Variants in KCNK12 observed in about 807,000 individuals in gnomAD.
The protein encoded by KCNK12 is potassium two pore domain channel subfamily K member 12, also known as potassium channel subfamily K member 12.
Under a neutral mutation model 25.3 loss-of-function variants are expected in KCNK12, and 6 were observed. The ratio of observed to expected loss-of-function variants is 0.24; its 90% CI spans 0.13 to 0.47. KCNK12 has a LOEUF of 0.47. Ranked by LOEUF, KCNK12 falls within the 20% of genes least tolerant of loss-of-function variation. KCNK12 has a pLI of 0.99. For missense variants in KCNK12, 444 were observed against 661.7 expected, an observed-to-expected ratio of 0.67 and a Z score of 3.61; for synonymous variants, 331 against 311.1, an observed-to-expected ratio of 1.06 and a Z score of -0.67.
At position 47,514,714 on chromosome 2, in the gene KCNK12, G is replaced by A. The variant is rs951070388; in HGVS notation, c.*6193C>T. Among the ~76,000 whole-genome samples the A allele has an allele frequency of 1.3e-5, 2 of 151,440 alleles. No individual in the cohort carries two copies. Among genetic ancestry groups the A allele is most frequent in the Non-Finnish European group, 2.9e-5 (2 of 67,940 alleles). Reference sequence around the variant, plus strand: ...AAACATCGACTTCCTGGGCTCAGGCGATCCTCCCACCTCAGCCCCCTGAGT... The same window carrying A: ...AAACATCGACTTCCTGGGCTCAGGCAATCCTCCCACCTCAGCCCCCTGAGT... On this transcript the variant is annotated 3_prime_UTR_variant, in exon 2 of 2. Transcript: ENST00000327876. This position sits in a 1 kb window ranked among gnomAD's most constrained non-coding sequence, Gnocchi z 5.0.
chr2:47,541,418 T>C (rs1383279446), intron 1 of KCNK12, among the ~76,000 whole-genome samples: 2 of 152,136 alleles, frequency 1.3e-5, no homozygotes, highest in Non-Finnish European at 2.9e-5. Flanking sequence ...ATATGAAATA[T>C]CTTTCTCTAA....
chr2:47,570,273 G>A lies in KCNK12; in HGVS notation c.59C>T (p.Pro20Leu). The A allele has an allele frequency of 1.4e-6, 2 of 1,407,696 alleles. No homozygotes were observed. Among genetic ancestry groups the A allele is most frequent in the Non-Finnish European group, 1.8e-6 (2 of 1,082,218 alleles). 87.2% of individuals were successfully genotyped at this position (1,407,696 alleles called of 1,614,324 possible). Residue 20 changes from proline to leucine, a missense_variant, in exon 1 of 2, where the codon CCC becomes CTC. By Grantham distance (98) the Pro-to-Leu change is moderately conservative. Transcript: ENST00000327876. ...PRRSRRRLPR[P>L]SCCCCCCRRS... ...GCGGCAGCAGCAGCAGCAGCAGGAGGGGCGCGGCAGGCGGCGGCGGCTACG... is the reference window on the plus strand; with the variant it reads ...GCGGCAGCAGCAGCAGCAGCAGGAGAGGCGCGGCAGGCGGCGGCGGCTACG...
intron 1 of KCNK12, chr2:47,563,465 TGA>T: frequency 4.3e-6 from 1 of 233,316 alleles, no homozygotes; most frequent in East Asian, 6.0e-5. Context: ...CTAGGGAGGA[TGA>T]GAGCGCAAGC....
chr2:47,515,344 C>G lies in KCNK12; in HGVS notation c.*5563G>C, dbSNP rs565514429. Among the ~76,000 whole-genome samples, 8 of 152,306 alleles carry G rather than the reference C, an allele frequency of 5.3e-5. No individual in the cohort carries two copies. Among genetic ancestry groups the G allele is most frequent in the African/African-American group, 9.6e-5 (4 of 41,568 alleles). On this transcript the variant is annotated 3_prime_UTR_variant, in exon 2 of 2. Transcript: ENST00000327876. ...TTGACCAGCATTAACCTATTTATGC[C>G]TAGCGTTCCCTTATTGGAACACTAA...
Position 47,570,301 on chromosome 2 carries a change from G to A in KCNK12, c.31C>T (p.Arg11Cys). The change falls in exon 1 of 2, where the codon CGC becomes TGC. Residue 11 changes from arginine to cysteine, a missense_variant. Arg to Cys is a radical substitution (Grantham distance 180). Transcript: ENST00000327876. ...CGCGGCAGGCGGCGGCGGCTACGGCGGGGCGGGGGCCGGGGGCTGCGGGAG... is the reference window on the plus strand; with the variant it reads ...CGCGGCAGGCGGCGGCGGCTACGGCAGGGCGGGGGCCGGGGGCTGCGGGAG... Reference protein sequence around the residue: MSSRSPRPPPRRSRRRLPRPS... With the variant: MSSRSPRPPPCRSRRRLPRPS... 7.4e-7 allele frequency: 1 copy of A among 1,358,468 alleles called. No homozygotes were observed. 84.2% of individuals were successfully genotyped at this position (1,358,468 alleles called of 1,614,324 possible).
At position 47,570,149 on chromosome 2, in the gene KCNK12, C is replaced by G; in HGVS notation, c.183G>C (p.Glu61Asp). ...VAGATVFSAL[E>D]SPGEAEARAR... is the part of the protein sequence containing the mutation. Reference sequence around the variant, plus strand: ...CCCGCGCCTCCGCCTCGCCGGGGCTCTCGAGCGCCGAGAAGACTGTGGCAC... The same window carrying G: ...CCCGCGCCTCCGCCTCGCCGGGGCTGTCGAGCGCCGAGAAGACTGTGGCAC... The change falls in exon 1 of 2, where the codon GAG becomes GAC. Residue 61 changes from glutamate (E) to aspartate (D), a missense_variant. Physicochemically the swap from Glu to Asp is conservative, Grantham distance 45. Coordinates refer to ENST00000327876, the MANE Select transcript of KCNK12 (RefSeq NM_022055.2). 6.8e-7 allele frequency: 1 copy of G among 1,466,850 alleles called. No homozygotes were observed. The allele number at this position is 1,466,850 out of a possible 1,614,324, so 90.9% of individuals were successfully genotyped here. A position where few individuals can be genotyped will look rare whatever the true frequency, so the allele number is the denominator to read the frequency against.
chr2:47,530,393 G>A (rs1201806226), intron 1 of KCNK12, among the ~76,000 whole-genome samples: 1 of 152,098 alleles, frequency 6.6e-6, no homozygotes, highest in Non-Finnish European at 1.5e-5. Context: ...GGCTGCACAT[G>A]TCAGCCATCT....
chr2:47,509,966 A>G lies in KCNK12; in HGVS notation c.*10941T>C, dbSNP rs959079070. 2.0e-5 allele frequency: 3 copies of G among 151,952 alleles called. No individual in the cohort carries two copies. Among genetic ancestry groups the G allele is most frequent in the African/African-American group, 7.2e-5 (3 of 41,392 alleles). 9.4% of individuals were successfully genotyped at this position (151,952 alleles called of 1,614,324 possible). Reference sequence around the variant, plus strand: ...GCATTCTCACTTCACACCCATCCCAATCCCCTCCCCCTTGCTGTCCTCTTG... The same window carrying G: ...GCATTCTCACTTCACACCCATCCCAGTCCCCTCCCCCTTGCTGTCCTCTTG... On this transcript the variant is annotated 3_prime_UTR_variant, in exon 2 of 2. Transcript: ENST00000327876.
rs1156565600 is a variant in KCNK12, at chr2:47,570,040, C to G, written c.292G>C (p.Glu98Gln). 1 of 1,420,508 alleles carries G rather than the reference C, an allele frequency of 7.0e-7. No individual in the cohort carries two copies. Among genetic ancestry groups the G allele is most frequent in the Admixed American group, 3.2e-5 (1 of 31,572 alleles). 88.0% of individuals were successfully genotyped at this position (1,420,508 alleles called of 1,614,324 possible). ...PELRAFLRHYEAALAAGVRAD... is the reference protein window; with the variant it reads ...PELRAFLRHYQAALAAGVRAD... ...CGGACGCCGGCGGCCAGCGCGGCCT[C>G]GTAGTGCCGGAGGAAGGCGCGCAGC... The change falls in exon 1 of 2, where the codon GAG becomes CAG. Residue 98 changes from glutamate to glutamine, a missense_variant. Physicochemically the swap from Glu to Gln is conservative, Grantham distance 29 (BLOSUM62 2). Coordinates refer to ENST00000327876, the MANE Select transcript of KCNK12 (RefSeq NM_022055.2).
rs373798792 is a variant in KCNK12, at chr2:47,533,772, A to C, written c.392-11964T>G. Among the ~76,000 whole-genome samples the C allele has an allele frequency of 4.7e-4, 72 of 152,184 alleles. No homozygotes were observed. Among genetic ancestry groups the C allele is most frequent in the African/African-American group, 1.7e-3 (71 of 41,516 alleles). On this transcript the variant is annotated intron_variant, in intron 1 of 1. Coordinates refer to ENST00000327876, the MANE Select transcript of KCNK12 (RefSeq NM_022055.2). This position sits in a 1 kb window ranked among gnomAD's most constrained non-coding sequence, Gnocchi z 4.7. ...AAAAGCTGAGACCGTGGGCTGCTCT[A>C]TTTGTTGGCGCTTGCTGGTTTGTCT...
intron 1 of KCNK12, among the ~76,000 whole-genome samples, chr2:47,530,707 G>A (rs1012801354): frequency 6.6e-6 from 1 of 152,118 alleles, no homozygotes; most frequent in Non-Finnish European, 1.5e-5. Context: ...TACAGTCAAT[G>A]GCCTGATAGT....
chr2:47,536,986 A>G (rs1669085812), intron 1 of KCNK12, among the ~76,000 whole-genome samples: 1 of 152,156 alleles, frequency 6.6e-6, no homozygotes, highest in Non-Finnish European at 1.5e-5. Context: ...GGACATGATT[A>G]TGGGGTGAAT....
In KCNK12 at chr2:47,569,866, G is replaced by A. The variant is rs1385269647; in HGVS notation, c.391+75C>T. On this transcript the variant is annotated intron_variant, in intron 1 of 1. Transcript: ENST00000327876. The surrounding 1 kb of genome is among the most constrained non-coding windows in gnomAD (Gnocchi z 4.1). ...AAGGCAGAGCCGAGGGACGCGGACC[G>A]AGCGGCCGAGCAGTGGAAAGGGCGG... 7 of 1,191,902 alleles carry A rather than the reference G, an allele frequency of 5.9e-6. No homozygotes were observed. In the South Asian group the frequency reaches 1.2e-4, roughly 20 times the overall value. The allele number at this position is 1,191,902 out of a possible 1,614,324, so 73.8% of individuals were successfully genotyped here.
intron 1 of KCNK12, among the ~76,000 whole-genome samples, chr2:47,523,691 T>G (rs1668709118): frequency 6.6e-6 from 1 of 151,956 alleles, no homozygotes; most frequent in Admixed American, 6.6e-5. Context: ...CTGACTCTGG[T>G]TATGGGAGGG....
At position 47,565,259 on chromosome 2, in the gene KCNK12, C is replaced by T. The variant is rs1465586549; in HGVS notation, c.391+4682G>A. On this transcript the variant is annotated intron_variant, in intron 1 of 1. Coordinates refer to ENST00000327876, the MANE Select transcript of KCNK12 (RefSeq NM_022055.2). The surrounding 1 kb of genome is among the most constrained non-coding windows in gnomAD (Gnocchi z 5.0). Reference sequence around the variant, plus strand: ...TTCATTCCAGATATCAAAACTATCTCCAGCTGGATTACATACATGTTAGAA... The same window carrying T: ...TTCATTCCAGATATCAAAACTATCTTCAGCTGGATTACATACATGTTAGAA... The T allele has an allele frequency of 6.6e-6, 1 of 152,156 alleles. No homozygotes were observed. The highest frequency in any genetic ancestry group is 1.9e-4 in the East Asian group (1 of 5,204). 9.4% of individuals were successfully genotyped at this position (152,156 alleles called of 1,614,324 possible). A position where few individuals can be genotyped will look rare whatever the true frequency, so the allele number is the denominator to read the frequency against.
Position 47,520,944 on chromosome 2 carries a change from A to G in KCNK12, c.1256T>C (p.Met419Thr). ...GCTGGTCTCGGCCAGCCGGTTGTTC[A>G]TGATGCCCAGCGCGCCCACGCCGCC... Reference protein sequence around the residue: ...FSGGVGALGIMNNRLAETSAS... With the variant: ...FSGGVGALGITNNRLAETSAS... Residue 419 changes from methionine to threonine, a missense_variant, in exon 2 of 2, where the codon ATG (methionine) becomes ACG (threonine). Met to Thr is a moderately conservative substitution (Grantham distance 81). This residue lies in a region of KCNK12 where 57 missense variants were observed against 68.9 expected (regional missense o/e 0.83). Coordinates refer to ENST00000327876, the MANE Select transcript of KCNK12 (RefSeq NM_022055.2). This position sits in a 1 kb window ranked among gnomAD's most constrained non-coding sequence, Gnocchi z 5.0. The G allele has an allele frequency of 7.8e-7, 1 of 1,287,752 alleles. No homozygotes were observed. The highest frequency in any genetic ancestry group is 9.8e-7 in the Non-Finnish European group (1 of 1,015,690). 79.8% of individuals were successfully genotyped at this position (1,287,752 alleles called of 1,614,324 possible).
Position 47,564,279 on chromosome 2 carries a change from A to C in KCNK12, c.391+5662T>G, listed in dbSNP as rs557140331. The C allele has an allele frequency of 1.1e-3, 249 of 230,126 alleles. 1 individual carries two copies. Among genetic ancestry groups the C allele is most frequent in the African/African-American group, 5.2e-3 (237 of 45,292 alleles). The allele number at this position is 230,126 out of a possible 1,614,324, so 14.3% of individuals were successfully genotyped here. A position where few individuals can be genotyped will look rare whatever the true frequency, so the allele number is the denominator to read the frequency against. Reference sequence around the variant, plus strand: ...AAGAGACCAGACAGTCTCTCGCTCCAAAGGGGCTGGCCACAAGCACCATGA... The same window carrying C: ...AAGAGACCAGACAGTCTCTCGCTCCCAAGGGGCTGGCCACAAGCACCATGA... On this transcript the variant is annotated intron_variant, in intron 1 of 1. Coordinates refer to ENST00000327876, the MANE Select transcript of KCNK12 (RefSeq NM_022055.2).
intron 1 of KCNK12, among the ~76,000 whole-genome samples, chr2:47,523,204 G>A (rs977417752): frequency 2.0e-5 from 3 of 152,212 alleles, no homozygotes; most frequent in African/African-American, 4.8e-5. Context: ...TTCACTCTGG[G>A]ACCAGGTAGA....
chr2:47,526,224 G>A (rs570325280), intron 1 of KCNK12, among the ~76,000 whole-genome samples: 103 of 142,638 alleles, frequency 7.2e-4, no homozygotes, highest in African/African-American at 2.1e-3. Context: ...CAAAAACCCC[G>A]TCTCTCCTAA....
Sources: gnomAD v4.1 joint callset for allele counts (sites outside exome capture counted in the v4.1 genomes callset) on GRCh38, gnomAD v4.1.1 for gene constraint, gnomAD v4.1.1 regional missense constraint, Gnocchi (gnomAD v3.1) non-coding constraint, MANE v1.5 for transcripts, NCBI Gene and HGNC (gene_info 2026-07-23, HGNC 2026-07-21) for gene names.